Variants in MYRIP observed in about 807,000 individuals in gnomAD.
The protein encoded by MYRIP is rab effector MyRIP.
A neutral mutation model predicts 98.0 loss-of-function variants in MYRIP; 49 were observed. That is an observed-to-expected ratio of 0.50 (90% CI 0.40 to 0.63). The LOEUF is 0.63. Among genes scored for constraint, MYRIP ranks in the 30% least tolerant of loss-of-function variants. The pLI, the probability that MYRIP is intolerant of heterozygous loss-of-function variation, is 0.00. For missense variants in MYRIP, 1,004 were observed against 1,058.2 expected (o/e 0.95, Z 0.71); for synonymous variants, 404 against 409.5 (o/e 0.99, Z 0.16).
At chr3:40,031,227 G>T (rs1342228117) in intron 2 of MYRIP, among the ~76,000 whole-genome samples, 3 of 152,036 alleles carry the variant, frequency 2.0e-5, no homozygotes, top group Non-Finnish European at 4.4e-5. Flanking sequence ...GGGCAAGGCG[G>T]CCCTGGAGTC....
chr3:39,889,864 T>C (rs371660646), intron 1 of MYRIP, among the ~76,000 whole-genome samples: 2 of 152,286 alleles, frequency 1.3e-5, no homozygotes, highest in East Asian at 3.9e-4. Context: ...TTTTCTTTTA[T>C]TACCTTTATG....
chr3:40,258,032 T>C, intron 16 of MYRIP, 102 bp from the exon 17 acceptor site: 1 of 1,281,698 alleles, frequency 7.8e-7, no homozygotes, highest in Non-Finnish European at 1.1e-6. Context: ...TCAAAAAGCA[T>C]GAATAGCTTT....
intron 3 of MYRIP, among the ~76,000 whole-genome samples, chr3:40,146,210 G>C (rs573764267): frequency 5.3e-5 from 8 of 152,256 alleles, no homozygotes; most frequent in Non-Finnish European, 1.2e-4. Context: ...TGTCATGTTG[G>C]CGTGGTAGTG....
At chr3:40,184,393 T>G (rs550009511) in intron 9 of MYRIP, among the ~76,000 whole-genome samples, 4 of 152,346 alleles carry the variant, frequency 2.6e-5, no homozygotes, top group African/African-American at 9.6e-5. Context: ...ATGTAGGCAC[T>G]ATTTTATTTT....
rs573544264 is a variant in MYRIP, at chr3:40,231,066, C to T, written c.1906-2793C>T. 3.0e-4 allele frequency among the ~76,000 whole-genome samples: 45 copies of T among 152,284 alleles called. No homozygotes were observed. The South Asian group carries it at 9.3e-3, about 32-fold the overall frequency. On this transcript the variant is annotated intron_variant, in intron 11 of 16. Transcript: ENST00000302541. ...TCTCAAACTCCTGACCTCAGATGAT[C>T]CACCCGCCTTGGCCTCCCAAAGTGC...
chr3:40,010,043 G>A (rs1035688112), intron 2 of MYRIP, among the ~76,000 whole-genome samples: 6 of 152,226 alleles, frequency 3.9e-5, no homozygotes, highest in African/African-American at 1.4e-4. Flanking sequence ...CAGAAGAAAG[G>A]ACAGTGAATG....
intron 2 of MYRIP, among the ~76,000 whole-genome samples, chr3:39,910,493 T>C (rs1943994128): frequency 6.6e-6 from 1 of 152,184 alleles, no homozygotes; most frequent in Admixed American, 6.5e-5. Flanking sequence ...AAGTGTGTAG[T>C]TGGGACAATA....
chr3:40,186,241 C>T (rs1363511437), intron 9 of MYRIP, among the ~76,000 whole-genome samples: 1 of 152,100 alleles, frequency 6.6e-6, no homozygotes, highest in East Asian at 1.9e-4. Context: ...CTTTTCCTTT[C>T]TTCTCAGAGT....
rs988639056 is a variant in MYRIP, at chr3:40,258,415, G to A, written c.*249G>A. 1 of 470,202 alleles carries A rather than the reference G, an allele frequency of 2.1e-6. No homozygotes were observed. The highest frequency in any genetic ancestry group is 3.8e-6 in the Non-Finnish European group (1 of 260,584). 29.1% of individuals were successfully genotyped at this position (470,202 alleles called of 1,614,324 possible). On this transcript the variant is annotated 3_prime_UTR_variant, in exon 17 of 17. Transcript: ENST00000302541. ...TCCAAGACAGAAAATGAAGACACTG[G>A]CTTCCAACAGCAGCGCTCCATGTTT...
At chr3:39,890,680 C>A (rs1446928670) in intron 1 of MYRIP, among the ~76,000 whole-genome samples, 1 of 150,240 alleles carries the variant, frequency 6.7e-6, no homozygotes, top group Non-Finnish European at 1.5e-5. Context: ...CTTTATTTCA[C>A]CAAAGCCAGT....
intron 3 of MYRIP, among the ~76,000 whole-genome samples, chr3:40,067,418 A>T (rs539127611): frequency 6.6e-6 from 1 of 152,324 alleles, no homozygotes; most frequent in African/African-American, 2.4e-5. Context: ...TATTTTGATT[A>T]TCACAATGAC....
intron 10 of MYRIP, among the ~76,000 whole-genome samples, chr3:40,197,894 A>G (rs1179064726): frequency 6.6e-6 from 1 of 152,178 alleles, no homozygotes; most frequent in Non-Finnish European, 1.5e-5. Flanking sequence ...GCCAATATCT[A>G]ATGCCCACAA....
At chr3:39,984,112 G>A (rs1319881086) in intron 2 of MYRIP, among the ~76,000 whole-genome samples, 1 of 152,138 alleles carries the variant, frequency 6.6e-6, no homozygotes, top group Non-Finnish European at 1.5e-5. Context: ...AAAATGGTGA[G>A]TGGTTGTGGG....
intron 2 of MYRIP, among the ~76,000 whole-genome samples, chr3:39,953,889 C>A (rs900194781): frequency 6.6e-6 from 1 of 152,158 alleles, no homozygotes; most frequent in Non-Finnish European, 1.5e-5. Context: ...GAGGGTCCCA[C>A]GCCCATGGAG....
At chr3:39,828,026 T>C (rs1421000537) in intron 1 of MYRIP, among the ~76,000 whole-genome samples, 1 of 152,122 alleles carries the variant, frequency 6.6e-6, no homozygotes, top group Non-Finnish European at 1.5e-5. Flanking sequence ...TTCGTTGTCT[T>C]AGACTTTTGA....
chr3:39,914,788 GA>G (rs909880089), intron 2 of MYRIP, among the ~76,000 whole-genome samples: 2 of 152,034 alleles, frequency 1.3e-5, no homozygotes, highest in Admixed American at 1.3e-4. Flanking sequence ...CTGGAGTCCT[GA>G]TAAAATAGTT....
At chr3:39,971,558 CTG>C (rs1391329321) in intron 2 of MYRIP, among the ~76,000 whole-genome samples, 1 of 152,014 alleles carries the variant, frequency 6.6e-6, no homozygotes, top group Non-Finnish European at 1.5e-5. Flanking sequence ...CAAAAGGTAT[CTG>C]TTGTCCTTGC....
chr3:40,234,724 G>A (rs1239163443), intron 12 of MYRIP, among the ~76,000 whole-genome samples: 2 of 152,202 alleles, frequency 1.3e-5, no homozygotes, highest in African/African-American at 4.8e-5. Flanking sequence ...GCCAGGCACT[G>A]TGGCTCACAT....
intron 3 of MYRIP, among the ~76,000 whole-genome samples, chr3:40,122,828 T>C (rs1949432773): frequency 6.6e-6 from 1 of 152,136 alleles, no homozygotes; most frequent in Non-Finnish European, 1.5e-5. Context: ...ACCCTAGATA[T>C]ATTATTTTGT....
Sources: gnomAD v4.1 joint callset for allele counts (sites outside exome capture counted in the v4.1 genomes callset) on GRCh38, gnomAD v4.1.1 for gene constraint, MANE v1.5 for transcripts, NCBI Gene and HGNC (gene_info 2026-07-23, HGNC 2026-07-21) for gene names.